Variants in SPAG16 observed in about 807,000 individuals in gnomAD.
SPAG16 encodes sperm-associated antigen 16 protein.
In SPAG16, 86 loss-of-function variants were observed where a neutral mutation model predicts 80.4. The ratio of observed to expected loss-of-function variants is 1.07; its 90% CI spans 0.90 to 1.28. The LOEUF (loss-of-function observed/expected upper bound fraction) is 1.28, where lower values mean the gene tolerates loss of function less well. Among genes scored for constraint, SPAG16 ranks in the 50% most tolerant of loss-of-function variants. The pLI, the probability that SPAG16 is intolerant of heterozygous loss-of-function variation, is 0.00. For missense variants in SPAG16, 870 were observed against 765.3 expected (o/e 1.14, Z -1.61); for synonymous variants, 294 against 265.9 (o/e 1.11, Z -1.03).
At chr2:213,987,028 G>C (rs1333000006) in intron 12 of SPAG16, among the ~76,000 whole-genome samples, 1 of 151,782 alleles carries the variant, frequency 6.6e-6, no homozygotes, top group Non-Finnish European at 1.5e-5. Context: ...TGAGATCTGA[G>C]CAAATTTATA....
chr2:213,289,898 G>A (rs942154835), intron 1 of SPAG16, among the ~76,000 whole-genome samples: 10 of 152,232 alleles, frequency 6.6e-5, no homozygotes, highest in Non-Finnish European at 1.3e-4. Context: ...AGAGACCAGT[G>A]TGTAAGGTAC....
intron 10 of SPAG16, among the ~76,000 whole-genome samples, chr2:213,592,398 A>G (rs762593374): frequency 7.9e-5 from 12 of 152,244 alleles, no homozygotes; most frequent in Non-Finnish European, 1.0e-4. Flanking sequence ...TTGTAAGTCT[A>G]CATACTAATA....
At chr2:214,369,162 AT>A (rs1273155335) in intron 15 of SPAG16, among the ~76,000 whole-genome samples, 1 of 152,112 alleles carries the variant, frequency 6.6e-6, no homozygotes, top group Non-Finnish European at 1.5e-5. Context: ...TATGTATCTA[AT>A]TAAGATTTGT....
intron 10 of SPAG16, among the ~76,000 whole-genome samples, chr2:213,733,011 C>G (rs1437203887): frequency 6.6e-6 from 1 of 152,148 alleles, no homozygotes; most frequent in African/African-American, 2.4e-5. Context: ...AAGAGTTTTC[C>G]TTTTTCTCAC....
Position 213,445,954 on chromosome 2 carries a change from G to T in SPAG16, c.943-44009G>T, listed in dbSNP as rs77952304. Among the ~76,000 whole-genome samples, 1,204 of 152,256 alleles carry T rather than the reference G, an allele frequency of 7.9e-3. 15 individuals are homozygous for T. The highest frequency in any genetic ancestry group is 0.028 in the African/African-American group (1,156 of 41,542). ...TGCAGACCTGGTTCCAGCCCCTTAGGGTTAGAACACACAGCCCAGGAGTGC... is the reference window on the plus strand; with the variant it reads ...TGCAGACCTGGTTCCAGCCCCTTAGTGTTAGAACACACAGCCCAGGAGTGC... On this transcript the variant is annotated intron_variant, in intron 9 of 15. Coordinates refer to ENST00000331683, the MANE Select transcript of SPAG16 (RefSeq NM_024532.5).
intron 13 of SPAG16, among the ~76,000 whole-genome samples, chr2:214,050,556 A>AGT: frequency 7.1e-6 from 1 of 141,498 alleles, no homozygotes; most frequent in South Asian, 2.3e-4. Context: ...AATGACATAG[A>AGT]ACAGAATTGG....
At chr2:214,117,725 T>A (rs915463828) in intron 14 of SPAG16, among the ~76,000 whole-genome samples, 1 of 152,196 alleles carries the variant, frequency 6.6e-6, no homozygotes, top group African/African-American at 2.4e-5. Flanking sequence ...AAATGTTATA[T>A]ATCACATTAA....
intron 9 of SPAG16, among the ~76,000 whole-genome samples, chr2:213,470,086 C>G (rs190240078): frequency 1.9e-4 from 29 of 152,254 alleles, no homozygotes; most frequent in Non-Finnish European, 1.0e-4. Flanking sequence ...TGAATCCTGT[C>G]TATGGGAGAA....
chr2:213,967,102 C>G (rs1274548670), intron 12 of SPAG16, among the ~76,000 whole-genome samples: 1 of 152,150 alleles, frequency 6.6e-6, no homozygotes, highest in Non-Finnish European at 1.5e-5. Flanking sequence ...AAGTAGTCAT[C>G]ATGATTTCTA....
chr2:213,819,640 G>A (rs2072804872), intron 10 of SPAG16, among the ~76,000 whole-genome samples: 1 of 152,126 alleles, frequency 6.6e-6, no homozygotes, highest in South Asian at 2.1e-4. Context: ...GTTCTCCTGG[G>A]CTCAAGGAAT....
intron 15 of SPAG16, among the ~76,000 whole-genome samples, chr2:214,345,573 T>C (rs1697999482): frequency 6.6e-6 from 1 of 152,152 alleles, no homozygotes; most frequent in African/African-American, 2.4e-5. Flanking sequence ...ATCAAAAATG[T>C]TGAAACCCGA....
intron 14 of SPAG16, among the ~76,000 whole-genome samples, chr2:214,125,845 T>C (rs1259677855): frequency 2.0e-5 from 3 of 151,486 alleles, no homozygotes; most frequent in African/African-American, 7.2e-5. Flanking sequence ...GAATGAAAAC[T>C]TAAAAGACCC....
chr2:213,718,633 G>T (rs1346060254), intron 10 of SPAG16, among the ~76,000 whole-genome samples: 2 of 152,172 alleles, frequency 1.3e-5, no homozygotes, highest in Non-Finnish European at 2.9e-5. Context: ...CTTAGCACCC[G>T]GGCCAGTGGC....
intron 9 of SPAG16, among the ~76,000 whole-genome samples, chr2:213,471,117 G>A (rs1308224364): frequency 1.3e-5 from 2 of 152,192 alleles, no homozygotes; most frequent in Admixed American, 6.5e-5. Flanking sequence ...CTGTACTGCT[G>A]CAGCTGTCTA....
intron 10 of SPAG16, among the ~76,000 whole-genome samples, chr2:213,825,988 T>C (rs1422962906): frequency 1.3e-5 from 2 of 151,846 alleles, no homozygotes; most frequent in African/African-American, 4.8e-5. Flanking sequence ...TCTTGGTAGG[T>C]TGTATGTATC....
intron 10 of SPAG16, among the ~76,000 whole-genome samples, chr2:213,702,537 C>T (rs1019689867): frequency 6.6e-6 from 1 of 152,176 alleles, no homozygotes; most frequent in Non-Finnish European, 1.5e-5. Context: ...GGGTCCACAG[C>T]TTCATTCTTG....
At chr2:214,175,320 T>C (rs1440263999) in intron 15 of SPAG16, among the ~76,000 whole-genome samples, 1 of 145,656 alleles carries the variant, frequency 6.9e-6, no homozygotes, top group Non-Finnish European at 1.5e-5. Flanking sequence ...TATAAAGAAA[T>C]ATATATATAA....
chr2:213,864,411 A>T (rs575392653), intron 11 of SPAG16, among the ~76,000 whole-genome samples: 1 of 152,180 alleles, frequency 6.6e-6, no homozygotes, highest in Middle Eastern at 3.4e-3. Context: ...TCAAACCTAA[A>T]ATAAGTTTGA....
chr2:213,871,587 C>A (rs1394820845), intron 11 of SPAG16, among the ~76,000 whole-genome samples: 2 of 151,948 alleles, frequency 1.3e-5, no homozygotes, highest in African/African-American at 4.8e-5. Flanking sequence ...TAATCTCTTG[C>A]ATCTGGTTGA....
Sources: allele counts gnomAD v4.1 joint callset (sites outside exome capture counted in the v4.1 genomes callset), GRCh38; gene constraint gnomAD v4.1.1; transcripts MANE v1.5; gene names NCBI Gene and HGNC (gene_info 2026-07-23, HGNC 2026-07-21).